SIGLEC1: variants seen among roughly 807,000 people sequenced by gnomAD.
SIGLEC1 encodes sialic acid binding Ig like lectin 1.
A neutral mutation model predicts 148.0 loss-of-function variants in SIGLEC1; 132 were observed. The observed-to-expected ratio is 0.89, with a 90% CI of 0.77 to 1.03. SIGLEC1 has a LOEUF of 1.03. SIGLEC1 is among the 50% of genes least tolerant of loss of function. The probability of loss-of-function intolerance (pLI) is 0.00; values close to 1 mark genes in which losing one functional copy is unlikely to be tolerated. For synonymous variants in SIGLEC1, 945 were observed against 969.0 expected, an observed-to-expected ratio of 0.98 and a Z score of 0.46; for missense variants, 2,253 against 2,271.4, an observed-to-expected ratio of 0.99 and a Z score of 0.16.
rs373516204 is a variant in SIGLEC1 at position 3,694,571 on chromosome 20, G to T, written c.2945-39C>A. Reference sequence around the variant, plus strand: ...GGAGTGGTCAGGACCCAGCCAGGGGGGTCCCTCATCCAGGGCTCTGTCATG... The same window carrying T: ...GGAGTGGTCAGGACCCAGCCAGGGGTGTCCCTCATCCAGGGCTCTGTCATG... On this transcript the variant is annotated intron_variant, in intron 12 of 21. Transcript: ENST00000344754. 2.6e-6 allele frequency: 4 copies of T among 1,556,496 alleles called. No homozygotes were observed. In the African/African-American group the frequency reaches 4.1e-5, roughly 16 times the overall value.
intron 18 of SIGLEC1, 143 bp from the exon 19 acceptor site, chr20:3,690,407 G>A: frequency 1.4e-6 from 1 of 706,530 alleles, no homozygotes; most frequent in East Asian, 2.7e-5. Context: ...GACTCAGTTT[G>A]ACCAATTGAA....
chr20:3,692,389 G>T (rs2088773612), intron 16 of SIGLEC1, 132 bp downstream of exon 16: 4 of 1,211,232 alleles, frequency 3.3e-6, no homozygotes, highest in Non-Finnish European at 4.5e-6. Flanking sequence ...TCTTTCTCTA[G>T]CACCTATGTC....
intron 18 of SIGLEC1, among the ~76,000 whole-genome samples, chr20:3,690,678 AG>A (rs913978685): frequency 7.2e-5 from 11 of 152,198 alleles, no homozygotes; most frequent in East Asian, 5.8e-4. Flanking sequence ...TGAAGCAGTA[AG>A]TTTTGTTGTG....
chr20:3,694,887 T>A lies in SIGLEC1; in HGVS notation c.2720A>T (p.Gln907Leu). Reference protein sequence around the residue: ...WVQVSPSPELQEGQAVVLSCQ... With the variant: ...WVQVSPSPELLEGQAVVLSCQ... ...GCTCAGGACCACAGCCTGGCCCTCT[T>A]GGAGCTCAGGTGATGGTGACACCTG... Residue 907 changes from glutamine to leucine, a missense_variant, in exon 12 of 22, where the codon CAA (glutamine) becomes CTA (leucine). By Grantham distance (113) the Gln-to-Leu change is moderately radical. Coordinates refer to ENST00000344754, the MANE Select transcript of SIGLEC1 (RefSeq NM_023068.4). 2 of 1,613,114 alleles carry A rather than the reference T, an allele frequency of 1.2e-6. No homozygotes were observed. The highest frequency in any genetic ancestry group is 1.7e-6 in the Non-Finnish European group (2 of 1,179,956).
In SIGLEC1 at chr20:3,707,002, G is replaced by C. The variant is rs2087901680; in HGVS notation, c.49+78C>G. 3.4e-6 allele frequency: 5 copies of C among 1,450,928 alleles called. No homozygotes were observed. The South Asian group carries it at 5.7e-5, about 17-fold the overall frequency. The allele number at this position is 1,450,928 out of a possible 1,614,324, so 89.9% of individuals were successfully genotyped here. ...CCTCAGCAACCAAACATGTGACCCA[G>C]GCATAGTCTAATCTGCCAAGGGCTG... On this transcript the variant is annotated intron_variant, in intron 2 of 21. Transcript: ENST00000344754.
At chr20:3,699,919 T>C (rs2087836145) in intron 7 of SIGLEC1, among the ~76,000 whole-genome samples, 1 of 142,458 alleles carries the variant, frequency 7.0e-6, no homozygotes, top group African/African-American at 3.0e-5. Context: ...CAAGCGATTC[T>C]CCTGCCTCAG....
At chr20:3,708,045 G>A (rs1215716781) in intron 1 of SIGLEC1, among the ~76,000 whole-genome samples, 1 of 152,222 alleles carries the variant, frequency 6.6e-6, no homozygotes, top group East Asian at 1.9e-4. Flanking sequence ...GTGCCCCATA[G>A]CAGTGCGGAG....
Position 3,689,947 on chromosome 20 carries a change from G to A in SIGLEC1, c.4894+15C>T, listed in dbSNP as rs1327265998. The A allele has an allele frequency of 1.9e-6, 3 of 1,600,848 alleles. No individual in the cohort carries two copies. In the Admixed American group the frequency reaches 5.1e-5, roughly 27 times the overall value. ...TGTGCAGAGTGGCCTGGGAGATGGA[G>A]CCCCCTCCCCTCACCTCTGACCCCA... On this transcript the variant is annotated intron_variant, in intron 19 of 21. Transcript: ENST00000344754.
In SIGLEC1 at chr20:3,712,566, G is replaced by A. The variant is rs1460347143; in HGVS notation, c.-206C>T. On this transcript the variant is annotated 5_prime_UTR_variant, in exon 1 of 22. Coordinates refer to ENST00000344754, the MANE Select transcript of SIGLEC1 (RefSeq NM_023068.4). ...GCTCCTGGTGCAGCTGGCTCCCCAGGGCTCTGCCGGCTCAAGAGAGAAGGA... is the reference window on the plus strand; with the variant it reads ...GCTCCTGGTGCAGCTGGCTCCCCAGAGCTCTGCCGGCTCAAGAGAGAAGGA... Among the ~76,000 whole-genome samples the A allele has an allele frequency of 6.6e-6, 1 of 152,136 alleles. No individual in the cohort carries two copies. The highest frequency in any genetic ancestry group is 1.5e-5 in the Non-Finnish European group (1 of 68,016).
intron 4 of SIGLEC1, among the ~76,000 whole-genome samples, chr20:3,704,947 C>T (rs2087881526): frequency 6.6e-6 from 1 of 152,200 alleles, no homozygotes; most frequent in African/African-American, 2.4e-5. Context: ...ATGTGCCAGG[C>T]ACTCTTCTAA....
At position 3,692,123 on chromosome 20, in the gene SIGLEC1, G is replaced by A. The variant is rs777913398; in HGVS notation, c.4110C>T (p.Asp1370=). The change falls in exon 17 of 22, where the codon GAC becomes GAT. Residue 1370 remains aspartate, a synonymous_variant. Transcript: ENST00000344754. ...RSMAVIQCTV[D]SEPPAELALS... ...GGGCCAGCTCAGCAGGTGGCTCACT[G>A]TCCACAGTGCACTGTATCACAGCCA... The A allele has an allele frequency of 4.5e-5, 72 of 1,605,760 alleles. 1 individual carries two copies. In the South Asian group the frequency reaches 7.8e-4, roughly 17 times the overall value.
intron 4 of SIGLEC1, 23 bp from the exon 5 acceptor site, chr20:3,704,114 T>C (rs757416508): frequency 6.9e-6 from 11 of 1,601,632 alleles, no homozygotes. Context: ...GTAGGGGGTA[T>C]TGGGTAAGGT....
chr20:3,705,436 G>A (rs969019441), intron 4 of SIGLEC1, among the ~76,000 whole-genome samples: 6 of 152,186 alleles, frequency 3.9e-5, no homozygotes, highest in African/African-American at 1.2e-4. Flanking sequence ...GGTAAATCCC[G>A]GGGCACTTGC....
chr20:3,691,390 T>A lies in SIGLEC1; in HGVS notation c.4541A>T (p.Glu1514Val). 1 of 1,613,326 alleles carries A rather than the reference T, an allele frequency of 6.2e-7. No individual in the cohort carries two copies. The highest frequency in any genetic ancestry group is 8.5e-7 in the Non-Finnish European group (1 of 1,180,032). Residue 1514 changes from glutamate (E) to valine (V), a missense_variant, in exon 18 of 22, where the codon GAG (glutamate) becomes GTG (valine). Physicochemically the swap from Glu to Val is moderately radical, Grantham distance 121 (BLOSUM62 -2). Coordinates refer to ENST00000344754, the MANE Select transcript of SIGLEC1 (RefSeq NM_023068.4). ...AGAGGCAGCAGCCCCAGTGGGGAGC[T>A]CAGCCAGGCAGTGGTACATCCCAGC... is the stretch of plus-strand genomic sequence containing the variant. ...AQAGMYHCLAELPTGAAASAP... is the reference protein window; with the variant it reads ...AQAGMYHCLAVLPTGAAASAP...
chr20:3,705,827 C>T lies in SIGLEC1; in HGVS notation c.623G>A (p.Trp208Ter). 2 of 1,614,086 alleles carry T rather than the reference C, an allele frequency of 1.2e-6. No individual in the cohort carries two copies. Among genetic ancestry groups the T allele is most frequent in the Non-Finnish European group, 1.7e-6 (2 of 1,180,036 alleles). Residue 208 changes from tryptophan to a stop codon, truncating the protein, a stop_gained, in exon 4 of 22, where the codon TGG (tryptophan) becomes TAG (stop). Coordinates refer to ENST00000344754, the MANE Select transcript of SIGLEC1 (RefSeq NM_023068.4). LOFTEE classifies it high-confidence loss of function. ...HLETLHMAMS[W>*]QDHGRILRCQ... ...GCGCAGGATCCGGCCGTGGTCCTGCCAGGACATGGCCATGTGGAGGGTCTC... is the reference window on the plus strand; with the variant it reads ...GCGCAGGATCCGGCCGTGGTCCTGCTAGGACATGGCCATGTGGAGGGTCTC...
chr20:3,693,972 C>T (rs2088793649), intron 13 of SIGLEC1, among the ~76,000 whole-genome samples: 1 of 152,202 alleles, frequency 6.6e-6, no homozygotes, highest in Admixed American at 6.5e-5. Flanking sequence ...CCACAGACCT[C>T]CCCTCCCCTG....
chr20:3,691,937 G>A lies in SIGLEC1; in HGVS notation c.4296C>T (p.Gly1432=), dbSNP rs1343888088. The A allele has an allele frequency of 6.3e-7, 1 of 1,594,786 alleles. No homozygotes were observed. The highest frequency in any genetic ancestry group is 1.1e-5 in the South Asian group (1 of 89,872). ...TYVCTAQNLL[G]SISTIGRLQV... is the part of the protein sequence containing the mutation. ...GCAACCGCCCGATGGTGCTGATTGA[G>A]CCCAGCAAGTTTTGGGCTGTGCAAA... The change falls in exon 17 of 22, where the codon GGC becomes GGT. Residue 1432 remains glycine, a synonymous_variant. Transcript: ENST00000344754.
At chr20:3,711,014 C>T (rs2087925146) in intron 1 of SIGLEC1, among the ~76,000 whole-genome samples, 1 of 152,124 alleles carries the variant, frequency 6.6e-6, no homozygotes, top group Non-Finnish European at 1.5e-5. Flanking sequence ...GACAGTGCCC[C>T]GCCCCCCGCC....
At position 3,703,219 on chromosome 20, in the gene SIGLEC1, G is replaced by A. The variant is rs769203233; in HGVS notation, c.1206C>T (p.Gly402=). 3 of 1,614,092 alleles carry A rather than the reference G, an allele frequency of 1.9e-6. No homozygotes were observed. The highest frequency in any genetic ancestry group is 8.5e-7 in the Non-Finnish European group (1 of 1,180,016). ...VQNVHGSERS[G]PVSVVVNHPP... ...TACGGTTGACTACCACGCTGACAGG[G>A]CCCGAGCGCTCGCTGCCATGGACGT... The change falls in exon 6 of 22, where the codon GGC becomes GGT. Residue 402 remains glycine, a synonymous_variant. Coordinates refer to ENST00000344754, the MANE Select transcript of SIGLEC1 (RefSeq NM_023068.4).
Sources: gnomAD v4.1 joint callset for allele counts (sites outside exome capture counted in the v4.1 genomes callset) on GRCh38, gnomAD v4.1.1 for gene constraint, MANE v1.5 for transcripts, NCBI Gene and HGNC (gene_info 2026-07-23, HGNC 2026-07-21) for gene names.